The following NPSR1 variants were observed in gnomAD, a reference collection of about 807,000 sequenced individuals.
NPSR1 encodes the protein neuropeptide S receptor.
NPSR1 carries 48 observed loss-of-function variants against 46.9 expected under a neutral mutation model. The observed-to-expected ratio is 1.02, with a 90% CI of 0.81 to 1.30. The LOEUF (loss-of-function observed/expected upper bound fraction) is 1.30. Ranked by LOEUF, NPSR1 falls within the 50% of genes most tolerant of loss-of-function variation. NPSR1 has a pLI of 0.00. For synonymous variants in NPSR1, 176 were observed against 168.1 expected, an observed-to-expected ratio of 1.05 and a Z score of -0.36; for missense variants, 450 against 449.5, an observed-to-expected ratio of 1.00 and a Z score of -0.01.
chr7:34,729,859 G>A (rs192919340), intron 2 of NPSR1, among the ~76,000 whole-genome samples: 40 of 152,234 alleles, frequency 2.6e-4, no homozygotes, highest in East Asian at 1.5e-3. Flanking sequence ...TGCAACCTCC[G>A]CCTCCCCAGT....
At chr7:34,660,695 A>G (rs34461186) in intron 1 of NPSR1, among the ~76,000 whole-genome samples, 222 of 152,364 alleles carry the variant, frequency 1.5e-3, no homozygotes, top group African/African-American at 5.0e-3. Context: ...AGACTCACTT[A>G]GCAAGTGACT....
At chr7:34,670,824 CAAAT>C (rs1411198026) in intron 1 of NPSR1, among the ~76,000 whole-genome samples, 3 of 151,800 alleles carry the variant, frequency 2.0e-5, no homozygotes, top group Non-Finnish European at 2.9e-5. Flanking sequence ...TGAGATATAT[CAAAT>C]AAAGATCAAA....
At position 34,747,282 on chromosome 7, in the gene NPSR1, G is replaced by A. The variant is rs569090180; in HGVS notation, c.281-31180G>A. Among the ~76,000 whole-genome samples the A allele has an allele frequency of 1.1e-4, 16 of 152,286 alleles. No homozygotes were observed. In the East Asian group the frequency reaches 3.1e-3, roughly 29 times the overall value. On this transcript the variant is annotated intron_variant, in intron 2 of 8. Transcript: ENST00000360581. ...ACCCACCCTACCCACTTTCTCAAGA[G>A]ACAGTCCAGAGAGCGAGTAAGGCAC...
At chr7:34,808,171 A>G (rs1394242842) in intron 3 of NPSR1, among the ~76,000 whole-genome samples, 1 of 152,210 alleles carries the variant, frequency 6.6e-6, no homozygotes, top group Non-Finnish European at 1.5e-5. Context: ...GGCAAGGGGC[A>G]GATTCTCCCC....
At chr7:34,728,584 G>C (rs111811858) in intron 2 of NPSR1, among the ~76,000 whole-genome samples, 21 of 152,288 alleles carry the variant, frequency 1.4e-4, no homozygotes, top group Admixed American at 2.6e-4. Flanking sequence ...CCTTTTGTCT[G>C]TTCACCTGAG....
At chr7:34,762,393 C>A (rs1786222082) in intron 2 of NPSR1, among the ~76,000 whole-genome samples, 1 of 151,982 alleles carries the variant, frequency 6.6e-6, no homozygotes, top group South Asian at 2.1e-4. Context: ...GTAAAATGAG[C>A]CCAAAACATA....
chr7:34,658,601 A>G (rs1791300309), intron 1 of NPSR1, 42 bp downstream of exon 1: 1 of 1,575,882 alleles, frequency 6.3e-7, no homozygotes, highest in Non-Finnish European at 8.7e-7. Flanking sequence ...ACTTATAACA[A>G]TGAGACTGCT....
intron 2 of NPSR1, 95 bp from the exon 3 acceptor site, chr7:34,778,367 C>T (rs1787073148): frequency 1.5e-6 from 1 of 678,318 alleles, no homozygotes; most frequent in African/African-American, 1.9e-5. Context: ...AAATGAACCT[C>T]CCCAGGATTT....
chr7:34,730,979 C>G (rs1784391182), intron 2 of NPSR1, among the ~76,000 whole-genome samples: 1 of 151,994 alleles, frequency 6.6e-6, no homozygotes, highest in Non-Finnish European at 1.5e-5. Context: ...TCCAATATAG[C>G]CATGAAATTA....
intron 1 of NPSR1, among the ~76,000 whole-genome samples, chr7:34,682,736 T>G (rs1792709387): frequency 6.6e-6 from 1 of 152,192 alleles, no homozygotes; most frequent in Non-Finnish European, 1.5e-5. Context: ...CTCCCTCCAC[T>G]CAGTACGGTC....
chr7:34,809,368 T>C (rs941306365), intron 3 of NPSR1, among the ~76,000 whole-genome samples: 3 of 152,072 alleles, frequency 2.0e-5, no homozygotes, highest in African/African-American at 7.2e-5. Context: ...TTCTAACTTT[T>C]ATTTTAAGTT....
In NPSR1 at chr7:34,849,807, T is replaced by G; in HGVS notation, c.*152T>G. 2.8e-6 allele frequency: 4 copies of G among 1,447,404 alleles called. No homozygotes were observed. Among genetic ancestry groups the G allele is most frequent in the Non-Finnish European group, 3.6e-6 (4 of 1,101,630 alleles). 89.7% of individuals were successfully genotyped at this position (1,447,404 alleles called of 1,614,324 possible). On this transcript the variant is annotated 3_prime_UTR_variant, in exon 9 of 9. Coordinates refer to ENST00000360581, the MANE Select transcript of NPSR1 (RefSeq NM_207172.2). The stretch of plus-strand genomic sequence containing the variant: ...CAAGACAAATGTTCTAATGACTGCA[T>G]GCACTGCTTAAGTATTGGCCAACAC...
intron 1 of NPSR1, among the ~76,000 whole-genome samples, chr7:34,667,582 C>A (rs112972060): frequency 6.6e-6 from 1 of 152,090 alleles, no homozygotes; most frequent in Non-Finnish European, 1.5e-5. Context: ...TCTCCACCCA[C>A]CCAGGCTAGT....
At chr7:34,762,193 G>T (rs1786208037) in intron 2 of NPSR1, among the ~76,000 whole-genome samples, 1 of 152,136 alleles carries the variant, frequency 6.6e-6, no homozygotes, top group Non-Finnish European at 1.5e-5. Context: ...TAGGACCAAA[G>T]CTTTCTGTGA....
rs1790819820 is a variant in NPSR1 at position 34,848,505 on chromosome 7, A to T, written c.867A>T (p.Pro289=). The change falls in exon 8 of 9, where the codon CCA becomes CCT. Residue 289 remains proline (P), a synonymous_variant. Transcript: ENST00000360581. The part of the protein sequence containing the change: ...IILAFICCWS[P]YFLFDILDNF... ...CAGCCTTCATCTGCTGTTGGAGTCC[A>T]TACTTCCTGTTTGACATTTTGGACA... 2 of 1,614,140 alleles carry T rather than the reference A, an allele frequency of 1.2e-6. No individual in the cohort carries two copies. The highest frequency in any genetic ancestry group is 1.7e-6 in the Non-Finnish European group (2 of 1,180,020).
intron 2 of NPSR1, chr7:34,750,279 T>G (rs772688166): frequency 2.9e-6 from 2 of 683,832 alleles, no homozygotes; most frequent in African/African-American, 3.5e-5. Context: ...GCTGATGCTC[T>G]GAGAATGGGG....
At chr7:34,846,345 C>T (rs1790740220) in intron 7 of NPSR1, among the ~76,000 whole-genome samples, 1 of 152,098 alleles carries the variant, frequency 6.6e-6, no homozygotes, top group Admixed American at 6.6e-5. Flanking sequence ...GACAGCCCTA[C>T]CAGACCAAAA....
chr7:34,766,396 G>A (rs1407500697), intron 2 of NPSR1, among the ~76,000 whole-genome samples: 1 of 152,040 alleles, frequency 6.6e-6, no homozygotes. Context: ...ACAAAAACCT[G>A]TACATGAATG....
intron 1 of NPSR1, among the ~76,000 whole-genome samples, chr7:34,681,345 T>C (rs879475689): frequency 8.5e-5 from 13 of 152,190 alleles, no homozygotes; most frequent in Non-Finnish European, 1.8e-4. Context: ...GGGGTGAGGA[T>C]GGAACTTTGC....
Sources: gnomAD v4.1 joint callset for allele counts (sites outside exome capture counted in the v4.1 genomes callset) on GRCh38, gnomAD v4.1.1 for gene constraint, MANE v1.5 for transcripts, NCBI Gene and HGNC (gene_info 2026-07-23, HGNC 2026-07-21) for gene names.